Variants in EPHA3 observed in about 807,000 individuals in gnomAD.
The protein encoded by EPHA3 is EPH receptor A3.
A neutral mutation model predicts 107.1 loss-of-function variants in EPHA3; 42 were observed. The observed-to-expected ratio is 0.39, with a 90% CI of 0.31 to 0.51. The LOEUF (loss-of-function observed/expected upper bound fraction) is 0.51. Ranked by LOEUF, EPHA3 falls within the 20% of genes least tolerant of loss-of-function variation. EPHA3 has a pLI of 0.78. For synonymous variants in EPHA3, 461 were observed against 424.8 expected (o/e 1.09, Z -1.05); for missense variants, 1,183 against 1,211.2 (o/e 0.98, Z 0.35).
At chr3:89,345,341 T>A (rs1470287344) in intron 5 of EPHA3, among the ~76,000 whole-genome samples, 1 of 151,262 alleles carries the variant, frequency 6.6e-6, no homozygotes, top group African/African-American at 2.4e-5. Context: ...TGACATTTCC[T>A]CCCTTTACCA....
intron 5 of EPHA3, among the ~76,000 whole-genome samples, chr3:89,371,436 G>A (rs1708300045): frequency 6.6e-6 from 1 of 151,604 alleles, no homozygotes; most frequent in Non-Finnish European, 1.5e-5. Context: ...CTTCTATCAG[G>A]TAAACTGAAG....
intron 2 of EPHA3, among the ~76,000 whole-genome samples, chr3:89,183,506 T>C (rs1226816823): frequency 6.6e-6 from 1 of 151,908 alleles, no homozygotes; most frequent in Non-Finnish European, 1.5e-5. Flanking sequence ...CCTTTATAAA[T>C]CACCTTTTGC....
At position 89,438,177 on chromosome 3, in the gene EPHA3, C is replaced by T. The variant is rs185618705; in HGVS notation, c.2346+6818C>T. On this transcript the variant is annotated intron_variant, in intron 13 of 16. Transcript: ENST00000336596. ...AGGCTGGAGTGCAGTGGTGGGATCT[C>T]GGCTCACTGCAAGCTCTGCCTCCCG... is the stretch of plus-strand genomic sequence containing the variant. 9.5e-3 allele frequency among the ~76,000 whole-genome samples: 1,431 copies of T among 151,420 alleles called. 25 individuals are homozygous for T. Among genetic ancestry groups the T allele is most frequent in the African/African-American group, 0.033 (1,364 of 41,228 alleles).
chr3:89,274,894 G>C (rs1422801325), intron 3 of EPHA3, among the ~76,000 whole-genome samples: 2 of 151,976 alleles, frequency 1.3e-5, no homozygotes, highest in Non-Finnish European at 2.9e-5. Context: ...CATCTTTCCT[G>C]TCCATATGTA....
intron 5 of EPHA3, among the ~76,000 whole-genome samples, chr3:89,375,432 AAGTATTAATCATTTTACCCT>A (rs1240213023): frequency 2.6e-5 from 4 of 151,740 alleles, no homozygotes; most frequent in African/African-American, 9.7e-5. Context: ...ACTGAAGAAT[AAGTATTAATCATTTTACCCT>A]GTGGGAAACT....
chr3:89,147,206 A>G (rs1055909927), intron 2 of EPHA3, among the ~76,000 whole-genome samples: 1 of 151,852 alleles, frequency 6.6e-6, no homozygotes, highest in Admixed American at 6.6e-5. Context: ...AAGGGAAGGC[A>G]GAGCATTAGG....
intron 2 of EPHA3, among the ~76,000 whole-genome samples, chr3:89,182,481 T>G (rs1488686498): frequency 6.6e-6 from 1 of 151,912 alleles, no homozygotes; most frequent in African/African-American, 2.4e-5. Context: ...TCTCAATTGA[T>G]TTTCCGTATA....
chr3:89,413,300 T>C, intron 10 of EPHA3, 34 bp downstream of exon 10: 3 of 1,610,024 alleles, frequency 1.9e-6, no homozygotes, highest in South Asian at 1.1e-5. Flanking sequence ...AACTTAGTAC[T>C]GTATGTGAAT....
At chr3:89,183,491 C>T (rs895109769) in intron 2 of EPHA3, among the ~76,000 whole-genome samples, 1 of 151,830 alleles carries the variant, frequency 6.6e-6, no homozygotes, top group African/African-American at 2.4e-5. Context: ...TGGTAACCCA[C>T]AGGACCTTTA....
At chr3:89,321,533 C>T (rs909265555) in intron 3 of EPHA3, among the ~76,000 whole-genome samples, 1 of 152,006 alleles carries the variant, frequency 6.6e-6, no homozygotes, top group African/African-American at 2.4e-5. Flanking sequence ...TTAGAAGCAC[C>T]ACAATATTCT....
At chr3:89,287,886 GT>G (rs1445894656) in intron 3 of EPHA3, among the ~76,000 whole-genome samples, 1 of 152,004 alleles carries the variant, frequency 6.6e-6, no homozygotes, top group Non-Finnish European at 1.5e-5. Flanking sequence ...TTCTTTAGAA[GT>G]AGAAGAAAAC....
At chr3:89,342,516 C>T (rs1047167236) in intron 5 of EPHA3, among the ~76,000 whole-genome samples, 1 of 152,056 alleles carries the variant, frequency 6.6e-6, no homozygotes, top group Non-Finnish European at 1.5e-5. Flanking sequence ...CTAAGAAGTT[C>T]TGTGTATTAT....
At chr3:89,236,100 A>G (rs565457426) in intron 3 of EPHA3, among the ~76,000 whole-genome samples, 6 of 152,030 alleles carry the variant, frequency 3.9e-5, no homozygotes, top group Non-Finnish European at 8.8e-5. Flanking sequence ...CAAGGATTGA[A>G]GAAGATGTGA....
At chr3:89,220,333 G>T (rs1222183809) in intron 3 of EPHA3, among the ~76,000 whole-genome samples, 6 of 152,084 alleles carry the variant, frequency 3.9e-5, no homozygotes, top group African/African-American at 1.4e-4. Flanking sequence ...ATTTTTGAAG[G>T]CATATAAAGT....
intron 3 of EPHA3, among the ~76,000 whole-genome samples, chr3:89,229,313 T>C (rs1224409587): frequency 2.6e-5 from 4 of 151,926 alleles, no homozygotes; most frequent in Non-Finnish European, 5.9e-5. Flanking sequence ...TAACTCAAGT[T>C]TGAAGAACTT....
At chr3:89,341,184 T>A in intron 4 of EPHA3, 113 bp downstream of exon 4, 1 of 1,164,958 alleles carries the variant, frequency 8.6e-7, no homozygotes, top group Non-Finnish European at 1.2e-6. Context: ...GTTGCCCGTG[T>A]GCAAATTGAA....
At chr3:89,398,252 G>A (rs1708889599) in intron 6 of EPHA3, among the ~76,000 whole-genome samples, 1 of 152,112 alleles carries the variant, frequency 6.6e-6, no homozygotes, top group African/African-American at 2.4e-5. Context: ...TAGGTGCAGG[G>A]ACATTGTACC....
At chr3:89,410,783 C>A (rs1402363587) in intron 9 of EPHA3, among the ~76,000 whole-genome samples, 4 of 151,874 alleles carry the variant, frequency 2.6e-5, no homozygotes, top group African/African-American at 9.7e-5. Context: ...TACTCCACAT[C>A]TAGAAAAGTA....
At chr3:89,211,890 G>C (rs997998923) in intron 3 of EPHA3, among the ~76,000 whole-genome samples, 1 of 150,834 alleles carries the variant, frequency 6.6e-6, no homozygotes, top group Non-Finnish European at 1.5e-5. Context: ...ATAGTAAATG[G>C]TAAATTTTTC....
Sources: allele counts gnomAD v4.1 joint callset (sites outside exome capture counted in the v4.1 genomes callset), GRCh38; gene constraint gnomAD v4.1.1; transcripts MANE v1.5; gene names NCBI Gene and HGNC (gene_info 2026-07-23, HGNC 2026-07-21).